The following MXI1 variants were observed in gnomAD, a reference collection of about 807,000 sequenced individuals.
MXI1 encodes the protein max-interacting protein 1.
In MXI1, 18 loss-of-function variants were observed where a neutral mutation model predicts 36.9. That is an observed-to-expected ratio of 0.49 (90% CI 0.34 to 0.72). The LOEUF is 0.72. Ranked by LOEUF, MXI1 falls within the 30% of genes least tolerant of loss-of-function variation. The pLI, the probability that MXI1 is intolerant of heterozygous loss-of-function variation, is 0.01. For synonymous variants in MXI1, 160 were observed against 146.7 expected, an observed-to-expected ratio of 1.09 and a Z score of -0.65; for missense variants, 304 against 379.1, an observed-to-expected ratio of 0.80 and a Z score of 1.64.
At chr10:110,231,198 C>G (rs1855246241) in intron 2 of MXI1, among the ~76,000 whole-genome samples, 1 of 152,092 alleles carries the variant, frequency 6.6e-6, no homozygotes, top group Non-Finnish European at 1.5e-5. Flanking sequence ...GAAACCCTGT[C>G]TCTACTAAAA....
In MXI1 at chr10:110,211,217, C is replaced by T. The variant is rs570841450; in HGVS notation, c.274+3135C>T. Among the ~76,000 whole-genome samples the T allele has an allele frequency of 2.6e-5, 4 of 152,254 alleles. No homozygotes were observed. The East Asian group carries it at 7.7e-4, about 29-fold the overall frequency. On this transcript the variant is annotated intron_variant, in intron 1 of 5. Transcript: ENST00000332674. ...CGCCTTCTCCTCCTCCCCCTCCCAGCTAGAGACACATGGTTTCCACATGGA... is the reference window on the plus strand; with the variant it reads ...CGCCTTCTCCTCCTCCCCCTCCCAGTTAGAGACACATGGTTTCCACATGGA...
At chr10:110,254,943 G>A (rs942964042) in intron 3 of MXI1, among the ~76,000 whole-genome samples, 3 of 152,058 alleles carry the variant, frequency 2.0e-5, no homozygotes, top group African/African-American at 4.8e-5. Context: ...AGAAAATCTA[G>A]CTAAAATAAT....
intron 4 of MXI1, 123 bp from the exon 5 acceptor site, chr10:110,279,787 GTATT>G (rs1348508769): frequency 1.7e-6 from 1 of 579,306 alleles, no homozygotes; most frequent in Admixed American, 3.8e-5. Context: ...GCTTTAAAAT[GTATT>G]TATATATTTT....
chr10:110,210,211 C>T (rs1167098212), intron 1 of MXI1: 5 of 981,684 alleles, frequency 5.1e-6, no homozygotes, highest in African/African-American at 3.5e-5. Flanking sequence ...CTGGTGAAGC[C>T]GAGGGGCTTC....
At chr10:110,226,044 C>T (rs1854954711) in intron 1 of MXI1, 10 of 983,488 alleles carry the variant, frequency 1.0e-5, no homozygotes, top group Non-Finnish European at 1.2e-5. Context: ...GCGGCTGGCG[C>T]GGCTGGGGCG....
chr10:110,244,996 A>G (rs957392863), intron 3 of MXI1, 139 bp downstream of exon 3: 1 of 765,468 alleles, frequency 1.3e-6, no homozygotes, highest in Non-Finnish European at 2.0e-6. Flanking sequence ...TCTGATATAT[A>G]TGTATTTTCT....
At chr10:110,223,822 CAA>C (rs544249501) in intron 1 of MXI1, among the ~76,000 whole-genome samples, 2,075 of 108,794 alleles carry the variant, frequency 0.019, 42 homozygotes, top group African/African-American at 0.068. Context: ...AAAGCCTTTA[CAA>C]AAAAAAAAAA....
chr10:110,224,943 C>T (rs1168998684), intron 1 of MXI1, among the ~76,000 whole-genome samples: 1 of 152,142 alleles, frequency 6.6e-6, no homozygotes, highest in Non-Finnish European at 1.5e-5. Context: ...CCACTGTGCC[C>T]GGCCAGTGGT....
rs1855131555 is a variant in MXI1, at chr10:110,228,193, T to C, written c.279T>C (p.Cys93=). 1 of 1,613,910 alleles carries C rather than the reference T, an allele frequency of 6.2e-7. No homozygotes were observed. Among genetic ancestry groups the C allele is most frequent in the African/African-American group, 1.3e-5 (1 of 74,920 alleles). The change falls in exon 2 of 6, where the codon TGT becomes TGC. Residue 93 remains cysteine (C), a synonymous_variant. Coordinates refer to ENST00000332674, the MANE Select transcript of MXI1 (RefSeq NM_130439.3). ...LEQIEKENKK[C]EHGYASSFPS... ...TTTTTTTCTTGCTTTCTTCAGAGTG[T>C]GAACATGGCTACGCCTCTTCATTCC...
intron 1 of MXI1, 101 bp downstream of exon 1, chr10:110,208,183 A>G: frequency 8.0e-7 from 1 of 1,243,460 alleles, no homozygotes; most frequent in South Asian, 1.4e-5. Context: ...CCCCCCGCCC[A>G]ACATACACAT....
rs1341155675 is a variant in MXI1, at chr10:110,208,096, C to T, written c.274+14C>T. The T allele has an allele frequency of 3.2e-6, 5 of 1,570,448 alleles. No homozygotes were observed. Among genetic ancestry groups the T allele is most frequent in the African/African-American group, 1.4e-5 (1 of 71,626 alleles). On this transcript the variant is annotated intron_variant, in intron 1 of 5. Transcript: ENST00000332674. ...AAGAAAACAAAAGTAAGTTTGGGGG[C>T]CCCTGCTCTTCCTCGGCGCCCGGTT...
At chr10:110,211,581 T>G (rs1434548891) in intron 1 of MXI1, among the ~76,000 whole-genome samples, 1 of 152,270 alleles carries the variant, frequency 6.6e-6, no homozygotes, top group East Asian at 1.9e-4. Context: ...GGAGCTTGCC[T>G]TATTTTCCAT....
intron 3 of MXI1, chr10:110,260,896 C>A (rs1856489877): frequency 1.7e-6 from 1 of 591,544 alleles, no homozygotes; most frequent in Non-Finnish European, 2.1e-6. Flanking sequence ...TGTGTTATAA[C>A]TTCTGGCCAC....
chr10:110,237,346 G>A (rs1410896142), intron 2 of MXI1, among the ~76,000 whole-genome samples: 1 of 152,070 alleles, frequency 6.6e-6, no homozygotes, highest in African/African-American at 2.4e-5. Flanking sequence ...ATGCCTTTTA[G>A]GTTGAGTAAA....
intron 1 of MXI1, among the ~76,000 whole-genome samples, chr10:110,213,095 G>C (rs1854548846): frequency 6.6e-6 from 1 of 152,162 alleles, no homozygotes; most frequent in Non-Finnish European, 1.5e-5. Flanking sequence ...ATTTGGAGAC[G>C]AGTCAGAAAT....
chr10:110,258,603 T>C (rs1023369723), intron 3 of MXI1, among the ~76,000 whole-genome samples: 4 of 152,154 alleles, frequency 2.6e-5, no homozygotes, highest in Non-Finnish European at 4.4e-5. Flanking sequence ...TCTATAGGGA[T>C]AGGAATACTG....
At chr10:110,274,216 CATTGTTCTTTATCCCACAAGGG>C (rs1856952986) in intron 3 of MXI1, among the ~76,000 whole-genome samples, 1 of 152,178 alleles carries the variant, frequency 6.6e-6, no homozygotes, top group Admixed American at 6.5e-5. Flanking sequence ...AACAGACTCT[CATTGTTCTTTATCCCACAAGGG>C]GCTTGCCCTT....
chr10:110,212,228 G>A (rs1391269591), intron 1 of MXI1, among the ~76,000 whole-genome samples: 1 of 152,128 alleles, frequency 6.6e-6, no homozygotes, highest in Non-Finnish European at 1.5e-5. Context: ...TTTGAGGGTG[G>A]GGTGCTTTCC....
At chr10:110,227,232 T>C (rs1277953944) in intron 1 of MXI1, 1 of 334,168 alleles carries the variant, frequency 3.0e-6, no homozygotes, top group Non-Finnish European at 3.4e-6. Flanking sequence ...GTGGGAGGGA[T>C]GGTGCGCGGG....
Sources: gnomAD v4.1 joint callset for allele counts (sites outside exome capture counted in the v4.1 genomes callset) on GRCh38, gnomAD v4.1.1 for gene constraint, MANE v1.5 for transcripts, NCBI Gene and HGNC (gene_info 2026-07-23, HGNC 2026-07-21) for gene names.